The following HLF variants were observed in gnomAD, a reference collection of about 807,000 sequenced individuals.
The protein encoded by HLF is hepatic leukemia factor.
Under a neutral mutation model 22.6 loss-of-function variants are expected in HLF, and 3 were observed. The ratio of observed to expected loss-of-function variants is 0.13; its 90% CI spans 0.06 to 0.34. The LOEUF (loss-of-function observed/expected upper bound fraction) is 0.34. Ranked by LOEUF, HLF falls within the 10% of genes least tolerant of loss-of-function variation. HLF has a pLI of 1.00. For missense variants in HLF, 299 were observed against 389.2 expected, an observed-to-expected ratio of 0.77 and a Z score of 1.95; for synonymous variants, 151 against 151.8, an observed-to-expected ratio of 0.99 and a Z score of 0.04.
In HLF at chr17:55,284,840, G is replaced by A. The variant is rs183923363; in HGVS notation, c.451+16754G>A. 7.7e-3 allele frequency among the ~76,000 whole-genome samples: 1,179 copies of A among 152,296 alleles called. 14 individuals are homozygous for A. Among genetic ancestry groups the A allele is most frequent in the African/African-American group, 0.027 (1,109 of 41,574 alleles). Reference sequence around the variant, plus strand: ...CAGGGCACAGTGAATTTGAAAGTCCGGAGATTAAGTCATATGTTGAAAGAG... The same window carrying A: ...CAGGGCACAGTGAATTTGAAAGTCCAGAGATTAAGTCATATGTTGAAAGAG... On this transcript the variant is annotated intron_variant, in intron 2 of 3. Coordinates refer to ENST00000226067, the MANE Select transcript of HLF (RefSeq NM_002126.5).
intron 2 of HLF, chr17:55,271,629 A>C (rs1426646990): frequency 7.2e-5 from 11 of 152,208 alleles, no homozygotes; most frequent in African/African-American, 2.7e-4. Flanking sequence ...TCCGGGGTCC[A>C]AGCTATTTTC....
chr17:55,305,168 T>C lies in HLF; in HGVS notation c.452-10059T>C, dbSNP rs561967598. On this transcript the variant is annotated intron_variant, in intron 2 of 3. Coordinates refer to ENST00000226067, the MANE Select transcript of HLF (RefSeq NM_002126.5). ...TGTCTGCCGGGAATCCTTACCCTTC[T>C]CCTAGTGAGCCGTGGTCTCTGGCCT... 2.8e-4 allele frequency among the ~76,000 whole-genome samples: 42 copies of C among 152,344 alleles called. No individual in the cohort carries two copies. In the South Asian group the frequency reaches 8.5e-3, roughly 31 times the overall value.
rs560740158 is a variant in HLF at position 55,267,929 on chromosome 17, C to T, written c.294C>T (p.Pro98=). Reference sequence around the variant, plus strand: ...AGTTTTTGTCAGAAAATGGCATTCCCCCCAGCCCATCTCAGCATGACCACA... The same window carrying T: ...AGTTTTTGTCAGAAAATGGCATTCCTCCCAGCCCATCTCAGCATGACCACA... ...LEEFLSENGI[P]PSPSQHDHSP... is the part of the protein sequence containing the mutation. The change falls in exon 2 of 4, where the codon CCC becomes CCT. Residue 98 remains proline (P), a synonymous_variant. Transcript: ENST00000226067. 4 of 1,614,112 alleles carry T rather than the reference C, an allele frequency of 2.5e-6. No homozygotes were observed. The African/African-American group carries it at 5.3e-5, about 22-fold the overall frequency.
intron 2 of HLF, among the ~76,000 whole-genome samples, chr17:55,303,529 A>G (rs889824633): frequency 3.9e-5 from 6 of 152,232 alleles, no homozygotes; most frequent in African/African-American, 1.4e-4. Flanking sequence ...ACTAGAAGCC[A>G]GTATTATGGC....
chr17:55,287,112 G>C (rs954352800), intron 2 of HLF, among the ~76,000 whole-genome samples: 4 of 152,202 alleles, frequency 2.6e-5, no homozygotes, highest in African/African-American at 9.7e-5. Context: ...GCTTCAAAGA[G>C]TAATACTGTT....
chr17:55,319,338 G>A (rs1278746578), intron 3 of HLF, among the ~76,000 whole-genome samples: 2 of 152,104 alleles, frequency 1.3e-5, no homozygotes, highest in Non-Finnish European at 2.9e-5. Context: ...TTGGAATTCT[G>A]AGGGGTGCAA....
At chr17:55,282,405 C>T (rs891624597) in intron 2 of HLF, among the ~76,000 whole-genome samples, 2 of 152,172 alleles carry the variant, frequency 1.3e-5, no homozygotes, top group Admixed American at 6.5e-5. Flanking sequence ...ACTTCTTCAT[C>T]TGTAAAATGG....
rs189504762 is a variant in HLF, at chr17:55,315,007, T to C, written c.452-220T>C. ...CTTCTCCTTCTCTAGTTTTTGAACA[T>C]GTGTATGTGGGTTTCTGTTTTGCCT... On this transcript the variant is annotated intron_variant, in intron 2 of 3. Transcript: ENST00000226067. 1.2e-4 allele frequency among the ~76,000 whole-genome samples: 19 copies of C among 152,384 alleles called. No individual in the cohort carries two copies. The East Asian group carries it at 3.7e-3, about 29-fold the overall frequency.
intron 2 of HLF, among the ~76,000 whole-genome samples, chr17:55,305,467 A>G (rs558200570): frequency 3.3e-5 from 5 of 152,136 alleles, no homozygotes; most frequent in Admixed American, 6.5e-5. Context: ...CCAGGAACCT[A>G]TTGGGCTAGA....
chr17:55,268,762 G>A lies in HLF; in HGVS notation c.451+676G>A, dbSNP rs567192821. Among the ~76,000 whole-genome samples, 17 of 145,844 alleles carry A rather than the reference G, an allele frequency of 1.2e-4. No homozygotes were observed. The South Asian group carries it at 2.6e-3, about 22-fold the overall frequency. On this transcript the variant is annotated intron_variant, in intron 2 of 3. Transcript: ENST00000226067. ...CTTTTTTTTTTTTTCATTTTCATCT[G>A]TCTATCACACTCAGTCCACCTGTAT...
At chr17:55,267,706 C>G (rs1180954409) in intron 1 of HLF, 45 bp from the exon 2 acceptor site, 1 of 1,379,974 alleles carries the variant, frequency 7.2e-7, no homozygotes, top group Non-Finnish European at 9.9e-7. Flanking sequence ...TATTGTTTTT[C>G]TTTTCTTTCT....
chr17:55,296,680 G>A (rs540072704), intron 2 of HLF, among the ~76,000 whole-genome samples: 1 of 152,094 alleles, frequency 6.6e-6, no homozygotes, highest in African/African-American at 2.4e-5. Flanking sequence ...TTTCATCGTT[G>A]GATTCCATTC....
chr17:55,274,133 A>T (rs2080883917), intron 2 of HLF, among the ~76,000 whole-genome samples: 1 of 152,140 alleles, frequency 6.6e-6, no homozygotes, highest in Non-Finnish European at 1.5e-5. Context: ...GGGAAGAAAA[A>T]AACCCTTGAT....
intron 2 of HLF, among the ~76,000 whole-genome samples, chr17:55,280,075 A>G (rs1262339904): frequency 6.6e-6 from 1 of 152,226 alleles, no homozygotes; most frequent in Non-Finnish European, 1.5e-5. Context: ...ATACATGTAC[A>G]GCACTTAGAA....
intron 2 of HLF, among the ~76,000 whole-genome samples, chr17:55,276,639 A>G (rs2080906761): frequency 1.3e-5 from 2 of 152,184 alleles, no homozygotes; most frequent in South Asian, 2.1e-4. Flanking sequence ...AACAGGGTGT[A>G]GATCCAATTT....
At position 55,315,439 on chromosome 17, in the gene HLF, G is replaced by T. The variant is rs1905027123; in HGVS notation, c.664G>T (p.Asp222Tyr). ...KKARKVFIPD[D>Y]LKDDKYWARR... ...AGCTCGCAAAGTCTTCATCCCTGAT[G>T]ACCTGAAGGTAAATTGGAACTGGTA... Residue 222 changes from aspartate to tyrosine, a missense_variant, in exon 3 of 4, where the codon GAC (aspartate) becomes TAC (tyrosine). By Grantham distance (160) the Asp-to-Tyr change is radical. Coordinates refer to ENST00000226067, the MANE Select transcript of HLF (RefSeq NM_002126.5). 1.2e-6 allele frequency: 2 copies of T among 1,612,594 alleles called. No individual in the cohort carries two copies. The highest frequency in any genetic ancestry group is 2.2e-5 in the South Asian group (2 of 91,004).
chr17:55,299,321 G>C (rs963946956), intron 2 of HLF, among the ~76,000 whole-genome samples: 12 of 152,282 alleles, frequency 7.9e-5, no homozygotes, highest in African/African-American at 2.2e-4. Context: ...TTAACTAATA[G>C]GGAGACAGCC....
At chr17:55,300,400 A>T (rs1031397600) in intron 2 of HLF, among the ~76,000 whole-genome samples, 1 of 152,060 alleles carries the variant, frequency 6.6e-6, no homozygotes, top group African/African-American at 2.4e-5. Flanking sequence ...TCCTGGGGAG[A>T]TAATCAGATT....
chr17:55,296,750 A>G (rs998388572), intron 2 of HLF, among the ~76,000 whole-genome samples: 1 of 152,252 alleles, frequency 6.6e-6, no homozygotes, highest in Non-Finnish European at 1.5e-5. Context: ...TTGCTGGATC[A>G]AAGTGTGTAG....
Sources: gnomAD v4.1 joint callset for allele counts (sites outside exome capture counted in the v4.1 genomes callset) on GRCh38, gnomAD v4.1.1 for gene constraint, MANE v1.5 for transcripts, NCBI Gene and HGNC (gene_info 2026-07-23, HGNC 2026-07-21) for gene names.